Variants in CAAP1 observed in about 807,000 individuals in gnomAD.
The protein encoded by CAAP1 is caspase activity and apoptosis inhibitor 1.
CAAP1 carries 20 observed loss-of-function variants against 34.0 expected under a neutral mutation model. That is an observed-to-expected ratio of 0.59 (90% confidence interval 0.41 to 0.86). CAAP1 has a LOEUF of 0.86. Among genes scored for constraint, CAAP1 ranks in the 40% least tolerant of loss-of-function variants. CAAP1 has a pLI of 0.00. For synonymous variants in CAAP1, 213 were observed against 166.7 expected (o/e 1.28, Z -2.14); for missense variants, 538 against 450.5 (o/e 1.19, Z -1.76).
intron 4 of CAAP1, among the ~76,000 whole-genome samples, chr9:26,870,957 T>C (rs12352197): frequency 1.7e-4 from 26 of 152,166 alleles, no homozygotes; most frequent in African/African-American, 6.0e-4. Flanking sequence ...CTTAGGTATG[T>C]ACTGCAGATT....
chr9:26,872,815 T>C (rs977744119), intron 4 of CAAP1, among the ~76,000 whole-genome samples: 5 of 152,138 alleles, frequency 3.3e-5, no homozygotes, highest in Non-Finnish European at 5.9e-5. Flanking sequence ...AATGGTTCCA[T>C]TTATACATAT....
chr9:26,861,386 A>T (rs904174549), intron 4 of CAAP1, among the ~76,000 whole-genome samples: 4 of 152,218 alleles, frequency 2.6e-5, no homozygotes, highest in Non-Finnish European at 5.9e-5. Context: ...ACCTGAAAGG[A>T]ACATGGAAGT....
chr9:26,888,934 AC>A (rs1451057875), intron 1 of CAAP1, among the ~76,000 whole-genome samples: 1 of 152,268 alleles, frequency 6.6e-6, no homozygotes, highest in Non-Finnish European at 1.5e-5. Context: ...CAAAAACAAA[AC>A]AAAATGTGGT....
At chr9:26,881,273 C>A (rs115956852) in intron 4 of CAAP1, among the ~76,000 whole-genome samples, 4 of 152,166 alleles carry the variant, frequency 2.6e-5, no homozygotes, top group African/African-American at 4.8e-5. Context: ...CATGCACAGT[C>A]GTTGTTGTAA....
intron 4 of CAAP1, among the ~76,000 whole-genome samples, chr9:26,872,638 C>G (rs568227181): frequency 8.6e-5 from 13 of 150,882 alleles, no homozygotes; most frequent in African/African-American, 2.9e-4. Flanking sequence ...CTCACTGTAG[C>G]CTCAATGTCC....
chr9:26,884,689 T>A (rs1563893267), intron 4 of CAAP1, 121 bp downstream of exon 4: 2 of 767,786 alleles, frequency 2.6e-6, no homozygotes, highest in Non-Finnish European at 4.4e-6. Flanking sequence ...AATAAATCTT[T>A]CTATACCACT....
intron 1 of CAAP1, among the ~76,000 whole-genome samples, chr9:26,891,255 T>C (rs1357603573): frequency 6.6e-6 from 1 of 152,110 alleles, no homozygotes; most frequent in Non-Finnish European, 1.5e-5. Context: ...ATAAAAATAT[T>C]AAAATGTTCA....
intron 3 of CAAP1, among the ~76,000 whole-genome samples, chr9:26,885,720 T>TTA (rs542471797): frequency 8.9e-4 from 135 of 152,276 alleles, no homozygotes; most frequent in Non-Finnish European, 1.3e-4. Context: ...ATCTGGGTCT[T>TTA]ATTAGAGAGT....
intron 4 of CAAP1, among the ~76,000 whole-genome samples, chr9:26,866,993 C>A (rs941880999): frequency 1.3e-5 from 2 of 152,058 alleles, no homozygotes; most frequent in Non-Finnish European, 1.5e-5. Context: ...GGTGGGCAAG[C>A]AAGCATTACG....
At position 26,884,812 on chromosome 9, in the gene CAAP1, A is replaced by G; in HGVS notation, c.663T>C (p.Ser221=). 6.2e-7 allele frequency: 1 copy of G among 1,603,882 alleles called. No individual in the cohort carries two copies. The highest frequency in any genetic ancestry group is 8.5e-7 in the Non-Finnish European group (1 of 1,176,044). Residue 221 remains serine, a splice_region_variant and synonymous_variant, in exon 4 of 6, where the codon AGT becomes AGC. Transcript: ENST00000333916. The stretch of plus-strand genomic sequence containing the variant: ...AAAATGAAAGTTTTTAAACTTACTG[A>G]CTGACTAAATCAGATCCCATCTTAG... ...DGSKMGSDLV[S]QQDICIDSAS...
chr9:26,884,034 G>A (rs562665839), intron 4 of CAAP1, among the ~76,000 whole-genome samples: 2 of 152,142 alleles, frequency 1.3e-5, no homozygotes, highest in East Asian at 1.9e-4. Flanking sequence ...CTCTTCTTAC[G>A]TGTACTACTG....
At chr9:26,851,903 T>C (rs1343651955) in intron 5 of CAAP1, among the ~76,000 whole-genome samples, 1 of 152,168 alleles carries the variant, frequency 6.6e-6, no homozygotes, top group African/African-American at 2.4e-5. Flanking sequence ...CTACCCATCC[T>C]AGGAAAGTGT....
At chr9:26,847,334 C>G (rs1012489566) in intron 5 of CAAP1, among the ~76,000 whole-genome samples, 2 of 150,022 alleles carry the variant, frequency 1.3e-5, no homozygotes, top group African/African-American at 4.9e-5. Context: ...CCCGCCTCAG[C>G]CTCCCAAGTA....
At chr9:26,861,242 A>G in intron 4 of CAAP1, 103 bp from the exon 5 acceptor site, 1 of 754,090 alleles carries the variant, frequency 1.3e-6, no homozygotes, top group Admixed American at 2.2e-5. Flanking sequence ...AAGACAGGCT[A>G]CATTCTTCTA....
rs1202832539 is a variant in CAAP1, at chr9:26,885,321, C to T, written c.590-436G>A. ...CGAACTCCTGACCTTGTGATCCGCC[C>T]GCCTCAGCCTCCCAAAGTGCTGGGA... On this transcript the variant is annotated intron_variant, in intron 3 of 5. Coordinates refer to ENST00000333916, the MANE Select transcript of CAAP1 (RefSeq NM_024828.4). Among the ~76,000 whole-genome samples, 4 of 151,826 alleles carry T rather than the reference C, an allele frequency of 2.6e-5. No homozygotes were observed. In the East Asian group the frequency reaches 5.8e-4, roughly 22 times the overall value.
intron 4 of CAAP1, 146 bp downstream of exon 4, chr9:26,884,664 C>A (rs1587127094): frequency 1.5e-6 from 1 of 677,712 alleles, no homozygotes; most frequent in South Asian, 1.7e-5. Context: ...AAGGACCAAT[C>A]ATTACAAGTA....
rs368793222 is a variant in CAAP1 at position 26,846,403 on chromosome 9, G to A, written c.740-3756C>T. Among the ~76,000 whole-genome samples the A allele has an allele frequency of 1.9e-3, 220 of 117,470 alleles. 3 individuals carry two copies. The highest frequency in any genetic ancestry group is 6.7e-3 in the African/African-American group (202 of 30,074). 77.1% of individuals were successfully genotyped at this position (117,470 alleles called of 152,430 possible). A position where few individuals can be genotyped will look rare whatever the true frequency, so the allele number is the denominator to read the frequency against. On this transcript the variant is annotated intron_variant, in intron 5 of 5. Coordinates refer to ENST00000333916, the MANE Select transcript of CAAP1 (RefSeq NM_024828.4). ...TGCACTGCAGCCTGGGTGACAGAGC[G>A]AGACTCTGTCTCAAAAAAAAAAAAA...
At chr9:26,849,909 G>A (rs1348332253) in intron 5 of CAAP1, among the ~76,000 whole-genome samples, 1 of 151,578 alleles carries the variant, frequency 6.6e-6, no homozygotes, top group Non-Finnish European at 1.5e-5. Context: ...CATGATCTCG[G>A]CTCACTGCAA....
At chr9:26,842,949 T>G (rs1005288040) in intron 5 of CAAP1, among the ~76,000 whole-genome samples, 6 of 152,198 alleles carry the variant, frequency 3.9e-5, no homozygotes, top group Admixed American at 2.6e-4. Context: ...TCATAACATT[T>G]TTATCACAGT....
Sources: allele counts gnomAD v4.1 joint callset (sites outside exome capture counted in the v4.1 genomes callset), GRCh38; gene constraint gnomAD v4.1.1; transcripts MANE v1.5; gene names NCBI Gene and HGNC (gene_info 2026-07-23, HGNC 2026-07-21).